The following EIF3H variants were observed in gnomAD, a reference collection of about 807,000 sequenced individuals.
EIF3H encodes eukaryotic translation initiation factor 3 subunit H.
A neutral mutation model predicts 44.2 loss-of-function variants in EIF3H; 26 were observed. The observed-to-expected ratio is 0.59, with a 90% CI of 0.43 to 0.82. The LOEUF (loss-of-function observed/expected upper bound fraction) is 0.82, where lower values mean the gene tolerates loss of function less well. EIF3H is among the 40% of genes least tolerant of loss of function. The pLI is 0.00. For missense variants in EIF3H, 359 were observed against 432.8 expected, an observed-to-expected ratio of 0.83 and a Z score of 1.51; for synonymous variants, 166 against 151.9, an observed-to-expected ratio of 1.09 and a Z score of -0.68.
At chr8:116,752,823 AGGAAGGAAAG>A (rs1815381374) in intron 1 of EIF3H, among the ~76,000 whole-genome samples, 2 of 143,370 alleles carry the variant, frequency 1.4e-5, no homozygotes, top group African/African-American at 5.5e-5. Flanking sequence ...GAAGGAAGGA[AGGAAGGAAAG>A]AGAGAGAGAA....
chr8:116,645,837 G>A (rs1813286977), intron 7 of EIF3H, among the ~76,000 whole-genome samples: 1 of 152,172 alleles, frequency 6.6e-6, no homozygotes, highest in Non-Finnish European at 1.5e-5. Context: ...ATCAGCTTTT[G>A]AGTAGGATTT....
intron 2 of EIF3H, among the ~76,000 whole-genome samples, chr8:116,687,885 A>G (rs1814103026): frequency 6.6e-6 from 1 of 152,168 alleles, no homozygotes; most frequent in Admixed American, 6.5e-5. Context: ...TACTGTCAGC[A>G]TATCCTTAAT....
chr8:116,669,124 G>A (rs1387957680), intron 2 of EIF3H, among the ~76,000 whole-genome samples: 1 of 151,718 alleles, frequency 6.6e-6, no homozygotes, highest in African/African-American at 2.4e-5. Context: ...TGTACAAATA[G>A]GAATATGATC....
chr8:116,719,873 C>G (rs964192326), intron 2 of EIF3H, among the ~76,000 whole-genome samples: 1 of 152,086 alleles, frequency 6.6e-6, no homozygotes. Flanking sequence ...ATTTCAGATA[C>G]GGAATAATGA....
chr8:116,707,990 C>T (rs1156694094), intron 2 of EIF3H, among the ~76,000 whole-genome samples: 2 of 152,084 alleles, frequency 1.3e-5, no homozygotes, highest in Non-Finnish European at 2.9e-5. Context: ...ATTTCTAAAA[C>T]TTTAAGTACA....
chr8:116,702,766 A>G (rs1814399938), intron 2 of EIF3H, among the ~76,000 whole-genome samples: 1 of 152,226 alleles, frequency 6.6e-6, no homozygotes, highest in Non-Finnish European at 1.5e-5. Flanking sequence ...TCAAGTACGA[A>G]TAACAAAGGA....
At chr8:116,692,629 A>C (rs1200835628) in intron 2 of EIF3H, among the ~76,000 whole-genome samples, 2 of 152,234 alleles carry the variant, frequency 1.3e-5, no homozygotes, top group East Asian at 1.9e-4. Context: ...ACACTCAGGA[A>C]AAGTACAGTT....
Position 116,704,550 on chromosome 8 carries a change from C to A in EIF3H, c.289+21466G>T, listed in dbSNP as rs182633411. 1.1e-4 allele frequency among the ~76,000 whole-genome samples: 16 copies of A among 152,278 alleles called. No homozygotes were observed. The East Asian group carries it at 2.1e-3, about 20-fold the overall frequency. ...TCTCCCTAAAAGCTAGTAAAAATAT[C>A]TATTTTACTAAAAGTAAAATCTTCA... On this transcript the variant is annotated intron_variant, in intron 2 of 7. Transcript: ENST00000521861.
chr8:116,751,914 G>C (rs201263908), intron 1 of EIF3H, among the ~76,000 whole-genome samples: 1 of 152,144 alleles, frequency 6.6e-6, no homozygotes, highest in Non-Finnish European at 1.5e-5. Context: ...TCAGAGCTGG[G>C]ATTCAAATCC....
At chr8:116,751,453 G>A (rs1250345071) in intron 1 of EIF3H, among the ~76,000 whole-genome samples, 2 of 152,164 alleles carry the variant, frequency 1.3e-5, no homozygotes, top group Non-Finnish European at 2.9e-5. Flanking sequence ...ACATTCTGAT[G>A]AGGAAAACAA....
intron 2 of EIF3H, among the ~76,000 whole-genome samples, chr8:116,665,173 A>C (rs1813648069): frequency 6.6e-6 from 1 of 152,246 alleles, no homozygotes; most frequent in Non-Finnish European, 1.5e-5. Context: ...GAAGCACAGC[A>C]CAAATACAAG....
chr8:116,763,103 GT>G (rs1204624443), intron 1 of EIF3H, among the ~76,000 whole-genome samples: 1 of 152,190 alleles, frequency 6.6e-6, no homozygotes, highest in Non-Finnish European at 1.5e-5. Flanking sequence ...ATATTTGGTG[GT>G]TTTGTGAGAA....
At chr8:116,717,173 T>C (rs116279274) in intron 2 of EIF3H, among the ~76,000 whole-genome samples, 1,556 of 152,142 alleles carry the variant, frequency 0.01, 26 homozygotes, top group African/African-American at 0.035. Flanking sequence ...CCCATTAATA[T>C]AGAGTATATG....
chr8:116,705,911 T>C (rs546549160), intron 2 of EIF3H, among the ~76,000 whole-genome samples: 28 of 152,076 alleles, frequency 1.8e-4, no homozygotes, highest in African/African-American at 6.5e-4. Flanking sequence ...GTACTATCTT[T>C]GCAACGTTTC....
At chr8:116,654,543 T>G (rs1189950747) in intron 5 of EIF3H, among the ~76,000 whole-genome samples, 4 of 152,228 alleles carry the variant, frequency 2.6e-5, no homozygotes, top group Non-Finnish European at 5.9e-5. Flanking sequence ...GGTTCTTAGC[T>G]AAATGCTTTA....
intron 2 of EIF3H, among the ~76,000 whole-genome samples, chr8:116,693,445 T>TTGTGTG (rs1814214433): frequency 6.6e-6 from 1 of 152,188 alleles, no homozygotes; most frequent in Non-Finnish European, 1.5e-5. Context: ...CACTGCTGCA[T>TTGTGTG]TGATAAGTAG....
intron 2 of EIF3H, among the ~76,000 whole-genome samples, chr8:116,707,688 G>A (rs970631669): frequency 6.6e-6 from 1 of 152,004 alleles, no homozygotes. Flanking sequence ...TCACATATCA[G>A]TAAAGCCCTC....
chr8:116,694,004 A>C (rs1814223694), intron 2 of EIF3H, among the ~76,000 whole-genome samples: 1 of 152,174 alleles, frequency 6.6e-6, no homozygotes, highest in Non-Finnish European at 1.5e-5. Flanking sequence ...CCTACTGGTG[A>C]GCGTTAAGAT....
intron 2 of EIF3H, among the ~76,000 whole-genome samples, chr8:116,707,116 A>G (rs1172280833): frequency 6.6e-6 from 1 of 152,190 alleles, no homozygotes. Context: ...CATCCTATAA[A>G]TGGAATATTG....
Sources: allele counts gnomAD v4.1 joint callset (sites outside exome capture counted in the v4.1 genomes callset), GRCh38; gene constraint gnomAD v4.1.1; transcripts MANE v1.5; gene names NCBI Gene and HGNC (gene_info 2026-07-23, HGNC 2026-07-21).